The following NEDD9 variants were observed in gnomAD, a reference collection of about 807,000 sequenced individuals.
NEDD9 encodes the protein neural precursor cell expressed, developmentally down-regulated 9.
In NEDD9, 26 loss-of-function variants were observed where a neutral mutation model predicts 76.6. The ratio of observed to expected loss-of-function variants is 0.34; its 90% CI spans 0.25 to 0.47. The LOEUF (loss-of-function observed/expected upper bound fraction) is 0.47. Among genes scored for constraint, NEDD9 ranks in the 20% least tolerant of loss-of-function variants. The pLI, the probability that NEDD9 is intolerant of heterozygous loss-of-function variation, is 1.00. For synonymous variants in NEDD9, 392 were observed against 414.2 expected (o/e 0.95, Z 0.65); for missense variants, 937 against 1,058.5 (o/e 0.89, Z 1.59).
intron 1 of NEDD9, among the ~76,000 whole-genome samples, chr6:11,335,515 C>A (rs533577062): frequency 6.6e-6 from 1 of 152,192 alleles, no homozygotes; most frequent in East Asian, 1.9e-4. Flanking sequence ...CGTCATACAA[C>A]CAATGCTTCA....
intron 3 of NEDD9, among the ~76,000 whole-genome samples, chr6:11,266,968 C>T (rs1351080540): frequency 6.6e-6 from 1 of 152,168 alleles, no homozygotes; most frequent in Non-Finnish European, 1.5e-5. Flanking sequence ...GAATCAGGAG[C>T]AAAGTATCAA....
intron 1 of NEDD9, among the ~76,000 whole-genome samples, chr6:11,336,549 C>T (rs2113514217): frequency 6.6e-6 from 1 of 152,316 alleles, no homozygotes; most frequent in South Asian, 2.1e-4. Context: ...TATAGAGCAG[C>T]TACCATGAAT....
chr6:11,277,568 A>G (rs1481624036), intron 3 of NEDD9, among the ~76,000 whole-genome samples: 15 of 152,188 alleles, frequency 9.9e-5, no homozygotes, highest in Admixed American at 9.8e-4. Context: ...AAAGGCTCAG[A>G]GAGCAGCGCG....
rs999938991 is a variant in NEDD9 at position 11,216,677 on chromosome 6, G to C, written c.13-2950C>G. On this transcript the variant is annotated intron_variant, in intron 1 of 6. Coordinates refer to ENST00000379446, the MANE Select transcript of NEDD9 (RefSeq NM_006403.4). The stretch of plus-strand genomic sequence containing the variant: ...GGTTCTAGCTGTGTTACTTTGCCAG[G>C]CAACAGCATCCCTTTGGGCCTTAGT... 2.0e-5 allele frequency among the ~76,000 whole-genome samples: 3 copies of C among 152,170 alleles called. No individual in the cohort carries two copies. In the East Asian group the frequency reaches 5.8e-4, roughly 29 times the overall value.
chr6:11,348,580 G>A (rs376768267), intron 1 of NEDD9, among the ~76,000 whole-genome samples: 3 of 151,908 alleles, frequency 2.0e-5, no homozygotes, highest in Admixed American at 6.6e-5. Flanking sequence ...AAACAGACAC[G>A]CAGGCCAATG....
intron 2 of NEDD9, among the ~76,000 whole-genome samples, chr6:11,330,163 C>G (rs1013420641): frequency 1.3e-5 from 2 of 152,180 alleles, no homozygotes; most frequent in Non-Finnish European, 1.5e-5. Context: ...TTAGGCAGCA[C>G]GAGTCCATAC....
intron 1 of NEDD9, among the ~76,000 whole-genome samples, chr6:11,373,719 T>A (rs751568954): frequency 8.5e-5 from 13 of 152,258 alleles, no homozygotes; most frequent in Non-Finnish European, 1.5e-4. Context: ...CGTGTTAACT[T>A]GGCTAAGCCA....
At chr6:11,373,463 G>A (rs946041872) in intron 1 of NEDD9, among the ~76,000 whole-genome samples, 4 of 152,184 alleles carry the variant, frequency 2.6e-5, no homozygotes, top group African/African-American at 9.7e-5. Flanking sequence ...ATTGACTTGA[G>A]TTGTATCTGC....
intron 2 of NEDD9, chr6:11,200,877 A>C (rs1389637579): frequency 1.3e-6 from 2 of 1,595,784 alleles, no homozygotes; most frequent in African/African-American, 2.7e-5. Context: ...GTGTTTTTCC[A>C]AGTCTAGGAG....
chr6:11,224,966 T>C (rs955492950), intron 1 of NEDD9, among the ~76,000 whole-genome samples: 1 of 152,188 alleles, frequency 6.6e-6, no homozygotes, highest in Non-Finnish European at 1.5e-5. Flanking sequence ...AGGAAAAACA[T>C]GAATGACATA....
rs1581942204 is a variant in NEDD9, at chr6:11,189,996, A to G, written c.1873T>C (p.Trp625Arg). 6.6e-7 allele frequency: 1 copy of G among 1,523,552 alleles called. No homozygotes were observed. The highest frequency in any genetic ancestry group is 8.8e-7 in the Non-Finnish European group (1 of 1,137,622). The allele number at this position is 1,523,552 out of a possible 1,614,324, so 94.4% of individuals were successfully genotyped here. ...CSSSDGSERS[W>R]MDDYDYVHLQ... ...TGGACGTAATCGTAGTCATCCATCC[A>G]GCTCCTCTCAGAACCATCACTGCTG... The change falls in exon 5 of 7, where the codon TGG becomes CGG. Residue 625 changes from tryptophan (W) to arginine (R), a missense_variant. Trp to Arg is a moderately radical substitution (Grantham distance 101, BLOSUM62 -3). Transcript: ENST00000379446.
intron 6 of NEDD9, among the ~76,000 whole-genome samples, chr6:11,187,902 C>T (rs998750341): frequency 2.6e-5 from 4 of 152,222 alleles, no homozygotes; most frequent in African/African-American, 7.2e-5. Flanking sequence ...TACTATAAAC[C>T]TGCTTGCTTA....
Position 11,190,234 on chromosome 6 carries a change from G to A in NEDD9, c.1635C>T (p.Leu545=), listed in dbSNP as rs146882146. 155 of 1,614,220 alleles carry A rather than the reference G, an allele frequency of 9.6e-5. No individual in the cohort carries two copies. In the African/African-American group the frequency reaches 1.9e-3, roughly 20 times the overall value. ...AKTVPDDAKQ[L]TTTINTNAEA... ...CTGCGTTGGTGTTGATGGTTGTGGT[G>A]AGCTGCTTGGCGTCATCGGGCACCG... Residue 545 remains leucine, a synonymous_variant, in exon 5 of 7, where the codon CTC becomes CTT. Coordinates refer to ENST00000379446, the MANE Select transcript of NEDD9 (RefSeq NM_006403.4). The surrounding 1 kb of genome is among the most constrained non-coding windows in gnomAD (Gnocchi z 5.8).
At position 11,375,573 on chromosome 6, in the gene NEDD9, C is replaced by T. The variant is rs193109023; in HGVS notation, c.-214+6566G>A. Among the ~76,000 whole-genome samples, 243 of 152,264 alleles carry T rather than the reference C, an allele frequency of 1.6e-3. 2 individuals are homozygous for T. Among genetic ancestry groups the T allele is most frequent in the Middle Eastern group, 6.8e-3 (2 of 294 alleles). ...AGGTATTGGATTATGGGGGCAGATC[C>T]CTCATGAGTGGCTTAGTGCTGTCCC... On this transcript the variant is annotated intron_variant, in intron 1 of 3. Coordinates refer to the NEDD9 transcript ENST00000397378.
chr6:11,213,518 G>C lies in NEDD9; in HGVS notation c.222C>G (p.His74Gln). Residue 74 changes from histidine (H) to glutamine (Q), a missense_variant, in exon 2 of 7, where the codon CAC becomes CAG. Coordinates refer to ENST00000379446, the MANE Select transcript of NEDD9 (RefSeq NM_006403.4). This position sits in a 1 kb window ranked among gnomAD's most constrained non-coding sequence, Gnocchi z 5.4. ...IGPMQETASS[H>Q]EQPASGLMQQ... ...GCATCAGTCCAGAGGCAGGCTGCTC[G>C]TGACTGGAGGCAGTCTCCTGCATGG... is the stretch of plus-strand genomic sequence containing the variant. 3 of 1,614,180 alleles carry C rather than the reference G, an allele frequency of 1.9e-6. No individual in the cohort carries two copies. The highest frequency in any genetic ancestry group is 2.5e-6 in the Non-Finnish European group (3 of 1,180,038).
chr6:11,365,705 T>C (rs1762750348), intron 1 of NEDD9, among the ~76,000 whole-genome samples: 1 of 152,036 alleles, frequency 6.6e-6, no homozygotes, highest in South Asian at 2.1e-4. Context: ...GAAAATAAAA[T>C]GGGGCCGGGC....
chr6:11,204,732 AAAAAAG>A (rs1349553388), intron 2 of NEDD9, among the ~76,000 whole-genome samples: 231 of 150,592 alleles, frequency 1.5e-3, no homozygotes, highest in African/African-American at 5.2e-3. Context: ...AAAAAAAAAA[AAAAAAG>A]AAAGAAAGAA....
chr6:11,265,780 C>G (rs1415660830), intron 3 of NEDD9, among the ~76,000 whole-genome samples: 1 of 152,008 alleles, frequency 6.6e-6, no homozygotes, highest in Non-Finnish European at 1.5e-5. Flanking sequence ...ATGTGATAAA[C>G]TTAAGTGTCT....
At chr6:11,360,008 G>T (rs887492857) in intron 1 of NEDD9, among the ~76,000 whole-genome samples, 3 of 152,224 alleles carry the variant, frequency 2.0e-5, no homozygotes, top group Admixed American at 2.0e-4. Context: ...ATGAGCAGAA[G>T]TTGGTGTGGG....
Sources: gnomAD v4.1 joint callset for allele counts (sites outside exome capture counted in the v4.1 genomes callset) on GRCh38, gnomAD v4.1.1 for gene constraint, Gnocchi (gnomAD v3.1) non-coding constraint, MANE v1.5 for transcripts, NCBI Gene and HGNC (gene_info 2026-07-23, HGNC 2026-07-21) for gene names.